Variants in STON2 observed in about 807,000 individuals in gnomAD.
STON2 encodes the protein stonin 2.
Under a neutral mutation model 65.7 loss-of-function variants are expected in STON2, and 29 were observed. The observed-to-expected ratio is 0.44, with a 90% confidence interval of 0.33 to 0.60. The LOEUF (loss-of-function observed/expected upper bound fraction) is 0.60. Ranked by LOEUF, STON2 falls within the 20% of genes least tolerant of loss-of-function variation. The probability of loss-of-function intolerance (pLI) is 0.03; values close to 1 mark genes in which losing one functional copy is unlikely to be tolerated. For missense variants in STON2, 1,054 were observed against 1,118.1 expected (o/e 0.94, Z 0.82); for synonymous variants, 404 against 414.2 (o/e 0.98, Z 0.30).
chr14:81,281,573 G>T (rs1217225025), intron 5 of STON2, among the ~76,000 whole-genome samples: 1 of 152,106 alleles, frequency 6.6e-6, no homozygotes, highest in Non-Finnish European at 1.5e-5. Flanking sequence ...TTTGGAGGGC[G>T]GCTTTCTGCC....
Position 81,262,286 on chromosome 14 carries a change from G to A in STON2, c.*6128C>T. 4 of 985,450 alleles carry A rather than the reference G, an allele frequency of 4.1e-6. No homozygotes were observed. Among genetic ancestry groups the A allele is most frequent in the Non-Finnish European group, 4.8e-6 (4 of 829,938 alleles). 61.0% of individuals were successfully genotyped at this position (985,450 alleles called of 1,614,324 possible). A position where few individuals can be genotyped will look rare whatever the true frequency, so the allele number is the denominator to read the frequency against. On this transcript the variant is annotated 3_prime_UTR_variant, in exon 8 of 8. Transcript: ENST00000614646. ...AATAAATCCATTATGGCATGCCTAT[G>A]AGTGACTTTAAATAAACAATCCTCA... is the stretch of plus-strand genomic sequence containing the variant.
At chr14:81,389,615 A>C (rs1899983887) in intron 3 of STON2, among the ~76,000 whole-genome samples, 1 of 152,248 alleles carries the variant, frequency 6.6e-6, no homozygotes, top group African/African-American at 2.4e-5. Flanking sequence ...AGCCGCCAGC[A>C]AACTGGCCAC....
chr14:81,333,256 G>T, intron 4 of STON2: 1 of 750,098 alleles, frequency 1.3e-6, no homozygotes, highest in Non-Finnish European at 2.4e-6. Context: ...CTTAGGTACG[G>T]TACTGTTGCC....
rs1285323460 is a variant in STON2 at position 81,263,169 on chromosome 14, G to A, written c.*5245C>T. ...AAATTGCATTCTGGACATGACCTAA[G>A]GCTAGCTTGTCCAACCCTTGGCCCA... On this transcript the variant is annotated 3_prime_UTR_variant, in exon 8 of 8. Coordinates refer to ENST00000614646, the MANE Select transcript of STON2 (RefSeq NM_001394390.1). 4.1e-6 allele frequency: 4 copies of A among 985,168 alleles called. No individual in the cohort carries two copies. The highest frequency in any genetic ancestry group is 3.6e-6 in the Non-Finnish European group (3 of 829,872). 61.0% of individuals were successfully genotyped at this position (985,168 alleles called of 1,614,324 possible). A position where few individuals can be genotyped will look rare whatever the true frequency, so the allele number is the denominator to read the frequency against.
chr14:81,307,387 A>C (rs917768957), intron 5 of STON2, among the ~76,000 whole-genome samples: 6 of 152,156 alleles, frequency 3.9e-5, no homozygotes, highest in African/African-American at 1.4e-4. Flanking sequence ...ACTCACTTGG[A>C]CTCAAAGCTA....
chr14:81,381,849 G>T (rs985794844), intron 3 of STON2, among the ~76,000 whole-genome samples: 7 of 152,098 alleles, frequency 4.6e-5, no homozygotes, highest in Non-Finnish European at 1.0e-4. Flanking sequence ...ACCTGCACAT[G>T]TTCACCAGGA....
intron 3 of STON2, among the ~76,000 whole-genome samples, chr14:81,390,574 AAAC>A (rs1208987315): frequency 6.6e-6 from 1 of 151,986 alleles, no homozygotes; most frequent in African/African-American, 2.4e-5. Context: ...TCAAAAAACA[AAAC>A]AAAAAACAAA....
In STON2 at chr14:81,265,250, T is replaced by C. The variant is rs992127507; in HGVS notation, c.*3164A>G. ...AAAACACTCATTACGTCTAAAAATATATAGTATTATTATCCCCAAACCCCT... is the reference window on the plus strand; with the variant it reads ...AAAACACTCATTACGTCTAAAAATACATAGTATTATTATCCCCAAACCCCT... On this transcript the variant is annotated 3_prime_UTR_variant, in exon 8 of 8. Coordinates refer to ENST00000614646, the MANE Select transcript of STON2 (RefSeq NM_001394390.1). The C allele has an allele frequency of 1.0e-6, 1 of 983,710 alleles. No individual in the cohort carries two copies. Among genetic ancestry groups the C allele is most frequent in the African/African-American group, 1.7e-5 (1 of 57,180 alleles). The allele number at this position is 983,710 out of a possible 1,614,324, so 60.9% of individuals were successfully genotyped here. A position where few individuals can be genotyped will look rare whatever the true frequency, so the allele number is the denominator to read the frequency against.
rs139606544 is a variant in STON2 at position 81,347,103 on chromosome 14, A to T, written c.572-22916T>A. Reference sequence around the variant, plus strand: ...AAATAGAACCAAAACAAAACAAAATAAAAAAAAACCCCGAAGAATCAACAA... The same window carrying T: ...AAATAGAACCAAAACAAAACAAAATTAAAAAAAACCCCGAAGAATCAACAA... On this transcript the variant is annotated intron_variant, in intron 4 of 7. Coordinates refer to ENST00000614646, the MANE Select transcript of STON2 (RefSeq NM_001394390.1). Among the ~76,000 whole-genome samples the T allele has an allele frequency of 6.0e-3, 905 of 149,950 alleles. 6 individuals carry two copies. Among genetic ancestry groups the T allele is most frequent in the African/African-American group, 0.021 (847 of 41,058 alleles).
intron 1 of STON2, among the ~76,000 whole-genome samples, chr14:81,398,954 T>C (rs1341652832): frequency 6.6e-6 from 1 of 152,270 alleles, no homozygotes; most frequent in Non-Finnish European, 1.5e-5. Context: ...AATAAAAGCA[T>C]GTTCTTTTCT....
intron 5 of STON2, among the ~76,000 whole-genome samples, chr14:81,302,621 T>G (rs1027142956): frequency 1.3e-5 from 2 of 152,244 alleles, no homozygotes; most frequent in African/African-American, 4.8e-5. Context: ...GCATATAAAG[T>G]TGATTGCATG....
intron 2 of STON2, 139 bp from the exon 3 acceptor site, chr14:81,396,317 A>C: frequency 2.9e-6 from 2 of 694,994 alleles, no homozygotes; most frequent in African/African-American, 3.6e-5. Context: ...AAAGAGCCAC[A>C]CCCATCTGAC....
intron 3 of STON2, among the ~76,000 whole-genome samples, chr14:81,375,916 G>A (rs1899232155): frequency 6.7e-6 from 1 of 149,556 alleles, no homozygotes; most frequent in Admixed American, 6.7e-5. Flanking sequence ...GTCTATACTA[G>A]ATAAAAAACA....
intron 3 of STON2, among the ~76,000 whole-genome samples, chr14:81,381,480 G>C (rs925712624): frequency 2.6e-5 from 4 of 152,264 alleles, no homozygotes; most frequent in Middle Eastern, 3.4e-3. Flanking sequence ...AAAAGGCAGA[G>C]ACACCAACAG....
chr14:81,370,946 A>G (rs768931075), intron 4 of STON2, 42 bp downstream of exon 4: 2 of 1,591,060 alleles, frequency 1.3e-6, no homozygotes, highest in Admixed American at 1.7e-5. Flanking sequence ...GGGTACACCA[A>G]AAGTGATTTG....
chr14:81,340,618 C>A (rs1897571325), intron 4 of STON2, among the ~76,000 whole-genome samples: 1 of 152,110 alleles, frequency 6.6e-6, no homozygotes, highest in South Asian at 2.1e-4. Context: ...GTGGCCAGGC[C>A]CTGAGTTCTG....
At chr14:81,316,813 G>C (rs952353729) in intron 5 of STON2, among the ~76,000 whole-genome samples, 8 of 152,182 alleles carry the variant, frequency 5.3e-5, no homozygotes, top group African/African-American at 1.9e-4. Context: ...GAGGTCAAGA[G>C]ATTAAGACCA....
intron 3 of STON2, among the ~76,000 whole-genome samples, chr14:81,374,505 T>C (rs1483541295): frequency 1.3e-5 from 2 of 152,148 alleles, no homozygotes; most frequent in African/African-American, 4.8e-5. Context: ...ACAGGCAGAA[T>C]GAGATCTGCA....
In STON2 at chr14:81,427,908, C is replaced by T. The variant is rs60491087; in HGVS notation, c.-309-696G>A. Among the ~76,000 whole-genome samples the T allele has an allele frequency of 9.1e-3, 1,380 of 152,188 alleles. 23 individuals carry two copies. The highest frequency in any genetic ancestry group is 0.032 in the African/African-American group (1,329 of 41,500). On this transcript the variant is annotated intron_variant, in intron 1 of 8. Coordinates refer to the STON2 transcript ENST00000553821. ...TTCCAGATACCACAGTGACTCAGGG[C>T]ATAGCTTCTAGATCTAAGCGATTAA... is the stretch of plus-strand genomic sequence containing the variant.
Sources: gnomAD v4.1 joint callset for allele counts (sites outside exome capture counted in the v4.1 genomes callset) on GRCh38, gnomAD v4.1.1 for gene constraint, MANE v1.5 for transcripts, NCBI Gene and HGNC (gene_info 2026-07-23, HGNC 2026-07-21) for gene names.